Variants in NOL4 observed in about 807,000 individuals in gnomAD.
The protein encoded by NOL4 is nucleolar protein 4, also known as cancer/testis antigen 125.
Under a neutral mutation model 75.9 loss-of-function variants are expected in NOL4, and 17 were observed. That is an observed-to-expected ratio of 0.22 (90% CI 0.15 to 0.34). NOL4 has a LOEUF of 0.34. Among genes scored for constraint, NOL4 ranks in the 10% least tolerant of loss-of-function variants. NOL4 has a pLI of 1.00. For synonymous variants in NOL4, 292 were observed against 289.9 expected, an observed-to-expected ratio of 1.01 and a Z score of -0.07; for missense variants, 614 against 793.5, an observed-to-expected ratio of 0.77 and a Z score of 2.72.
chr18:33,933,497 C>T (rs1391906050), intron 9 of NOL4, among the ~76,000 whole-genome samples: 1 of 152,120 alleles, frequency 6.6e-6, no homozygotes, highest in East Asian at 1.9e-4. Flanking sequence ...CATAGTAGAG[C>T]TTCTTTCAAA....
intron 6 of NOL4, among the ~76,000 whole-genome samples, chr18:33,980,354 C>T (rs146408117): frequency 6.6e-6 from 1 of 152,140 alleles, no homozygotes; most frequent in African/African-American, 2.4e-5. Context: ...GCTTTTACCT[C>T]CAAGAATTTC....
intron 1 of NOL4, among the ~76,000 whole-genome samples, chr18:34,197,818 A>G (rs569227446): frequency 3.3e-5 from 5 of 152,072 alleles, no homozygotes; most frequent in African/African-American, 1.2e-4. Flanking sequence ...CAATAGATCT[A>G]TCAATTACCT....
At position 33,985,865 on chromosome 18, in the gene NOL4, A is replaced by T. The variant is rs372212261; in HGVS notation, c.1057-27447T>A. 3.3e-5 allele frequency among the ~76,000 whole-genome samples: 5 copies of T among 152,142 alleles called. No individual in the cohort carries two copies. The East Asian group carries it at 9.7e-4, about 29-fold the overall frequency. On this transcript the variant is annotated intron_variant, in intron 6 of 10. Coordinates refer to ENST00000261592, the MANE Select transcript of NOL4 (RefSeq NM_003787.5). ...CTCTCTAAATCTATTGCCTCATCAT[A>T]GACTTGAGCCGAGAGTAATCAAAGA...
intron 1 of NOL4, among the ~76,000 whole-genome samples, chr18:34,178,929 G>T (rs1168667131): frequency 6.6e-6 from 1 of 151,566 alleles, no homozygotes; most frequent in Admixed American, 6.6e-5. Flanking sequence ...TCTAGGATAA[G>T]TGATATTTTA....
chr18:33,878,719 G>A lies in NOL4; in HGVS notation c.1723+4525C>T, dbSNP rs900946646. On this transcript the variant is annotated intron_variant, in intron 10 of 10. Coordinates refer to ENST00000261592, the MANE Select transcript of NOL4 (RefSeq NM_003787.5). The stretch of plus-strand genomic sequence containing the variant: ...TTGGCCATGGTTTCCAAGCATTTCC[G>A]GGAAAAGGAGATATATTTTGTGTTT... Among the ~76,000 whole-genome samples, 10 of 151,986 alleles carry A rather than the reference G, an allele frequency of 6.6e-5. No individual in the cohort carries two copies. The East Asian group carries it at 7.8e-4, about 12-fold the overall frequency.
chr18:34,093,515 T>A lies in NOL4; in HGVS notation c.722A>T (p.Asn241Ile). 6.2e-7 allele frequency: 1 copy of A among 1,608,224 alleles called. No individual in the cohort carries two copies. Among genetic ancestry groups the A allele is most frequent in the Non-Finnish European group, 8.5e-7 (1 of 1,176,384 alleles). The part of the protein sequence containing the change: ...MSAVNSDLSS[N>I]LEERMQSPQN... ...GGGACTTTGCATTCTTTCTTCAAGATTGGAGCTAAGATCAGAGTTCACAGC... is the reference window on the plus strand; with the variant it reads ...GGGACTTTGCATTCTTTCTTCAAGAATGGAGCTAAGATCAGAGTTCACAGC... The change falls in exon 5 of 11, where the codon AAT becomes ATT. Residue 241 changes from asparagine (N) to isoleucine (I), a missense_variant. Asn to Ile is a moderately radical substitution (Grantham distance 149). Transcript: ENST00000261592.
intron 9 of NOL4, among the ~76,000 whole-genome samples, chr18:33,917,123 C>A (rs1370195200): frequency 1.3e-5 from 2 of 151,928 alleles, no homozygotes; most frequent in African/African-American, 4.8e-5. Context: ...TTTTAATTAC[C>A]AGGAGCCTAG....
intron 10 of NOL4, among the ~76,000 whole-genome samples, chr18:33,868,711 A>G (rs2063551837): frequency 6.7e-6 from 1 of 150,344 alleles, no homozygotes; most frequent in South Asian, 2.1e-4. Flanking sequence ...CAGAGTGATT[A>G]AATTTGGTAG....
chr18:34,118,796 C>A (rs1055991164), intron 2 of NOL4, among the ~76,000 whole-genome samples: 1 of 151,984 alleles, frequency 6.6e-6, no homozygotes, highest in East Asian at 1.9e-4. Flanking sequence ...ATATTTTAAC[C>A]CATTTGTCCA....
Position 34,224,581 on chromosome 18 carries a change from G to A in NOL4, c.-1328C>T, listed in dbSNP as rs944769848. The A allele has an allele frequency of 2.0e-5, 3 of 152,268 alleles. No homozygotes were observed. The highest frequency in any genetic ancestry group is 7.2e-5 in the African/African-American group (3 of 41,458). 9.4% of individuals were successfully genotyped at this position (152,268 alleles called of 1,614,324 possible). On this transcript the variant is annotated 5_prime_UTR_variant, in exon 1 of 11. Coordinates refer to ENST00000261592, the MANE Select transcript of NOL4 (RefSeq NM_003787.5). ...ACCCGAGGCCCGCGCCCGTCCCGGG[G>A]AGCGGCTCTGCCAGGAAAACGGCCC...
chr18:34,136,728 AG>A (rs2080908908), intron 1 of NOL4, among the ~76,000 whole-genome samples: 1 of 152,178 alleles, frequency 6.6e-6, no homozygotes, highest in Admixed American at 6.5e-5. Context: ...TTTATAGACT[AG>A]AAGACAATAT....
At chr18:33,955,406 A>T (rs1568122325) in intron 8 of NOL4, among the ~76,000 whole-genome samples, 1 of 152,124 alleles carries the variant, frequency 6.6e-6, no homozygotes, top group Non-Finnish European at 1.5e-5. Flanking sequence ...CTCTAAAAAA[A>T]CATATAATTT....
intron 4 of NOL4, among the ~76,000 whole-genome samples, chr18:34,098,050 G>A (rs1279074786): frequency 2.6e-5 from 4 of 151,964 alleles, no homozygotes; most frequent in Non-Finnish European, 5.9e-5. Context: ...AGGAGGTTGG[G>A]GTTTTTTTTA....
Position 34,105,054 on chromosome 18 carries a change from T to G in NOL4, c.521A>C (p.His174Pro). 4 of 1,595,780 alleles carry G rather than the reference T, an allele frequency of 2.5e-6. No homozygotes were observed. The highest frequency in any genetic ancestry group is 1.1e-5 in the South Asian group (1 of 90,662). The change falls in exon 3 of 11, where the codon CAT becomes CCT. Residue 174 changes from histidine (H) to proline (P), a missense_variant. By Grantham distance (77) the His-to-Pro change is moderately conservative. This residue lies in a region of NOL4 where 135 missense variants were observed against 220.4 expected (regional missense o/e 0.61). Coordinates refer to ENST00000261592, the MANE Select transcript of NOL4 (RefSeq NM_003787.5). The stretch of plus-strand genomic sequence containing the variant: ...CTATTTGACACTGCAGCTACCTTTA[T>G]GATCTGTTCCATCTGGGTTTAAATG... ...RMHLNPDGTD[H>P]KDNGKPPTLV... is the part of the protein sequence containing the mutation.
At chr18:34,193,915 T>C (rs1002528843) in intron 1 of NOL4, among the ~76,000 whole-genome samples, 1 of 152,106 alleles carries the variant, frequency 6.6e-6, no homozygotes, top group Non-Finnish European at 1.5e-5. Flanking sequence ...AGAAGGAAAT[T>C]GTGTCACTTG....
chr18:34,095,251 A>ATATGTGTGTGTGTGTGTGTG (rs2078719916), intron 4 of NOL4, among the ~76,000 whole-genome samples: 1 of 144,408 alleles, frequency 6.9e-6, no homozygotes, highest in East Asian at 2.0e-4. Context: ...TCTAATGTGT[A>ATATGTGTGTGTGTGTGTGTG]TGTGTGTGTG....
intron 1 of NOL4, among the ~76,000 whole-genome samples, chr18:34,208,902 G>A (rs964923778): frequency 6.6e-6 from 1 of 151,626 alleles, no homozygotes; most frequent in Non-Finnish European, 1.5e-5. Flanking sequence ...TAATTCATTG[G>A]GAAAGGGGAT....
At chr18:34,077,710 T>C (rs2077813575) in intron 5 of NOL4, among the ~76,000 whole-genome samples, 1 of 152,152 alleles carries the variant, frequency 6.6e-6, no homozygotes, top group African/African-American at 2.4e-5. Flanking sequence ...TTCATTCATA[T>C]GAAATAATTA....
intron 9 of NOL4, among the ~76,000 whole-genome samples, chr18:33,915,376 G>C (rs188861876): frequency 4.6e-5 from 7 of 152,130 alleles, no homozygotes; most frequent in Admixed American, 4.6e-4. Context: ...TGGAAACTGA[G>C]GGAAGGTGTA....
Sources: gnomAD v4.1 joint callset for allele counts (sites outside exome capture counted in the v4.1 genomes callset) on GRCh38, gnomAD v4.1.1 for gene constraint, gnomAD v4.1.1 regional missense constraint, MANE v1.5 for transcripts, NCBI Gene and HGNC (gene_info 2026-07-23, HGNC 2026-07-21) for gene names.